The following AGBL4 variants were observed in gnomAD, a reference collection of about 807,000 sequenced individuals.
The protein encoded by AGBL4 is cytosolic carboxypeptidase 6.
Under a neutral mutation model 66.4 loss-of-function variants are expected in AGBL4, and 58 were observed. The ratio of observed to expected loss-of-function variants is 0.87; its 90% CI spans 0.71 to 1.09. The LOEUF (loss-of-function observed/expected upper bound fraction) is 1.09, where lower values mean the gene tolerates loss of function less well. Ranked by LOEUF, AGBL4 falls within the 50% of genes least tolerant of loss-of-function variation. The pLI is 0.00. For synonymous variants in AGBL4, 234 were observed against 222.9 expected (o/e 1.05, Z -0.44); for missense variants, 579 against 631.0 (o/e 0.92, Z 0.88).
intron 2 of AGBL4, among the ~76,000 whole-genome samples, chr1:49,836,200 C>T (rs1393538728): frequency 6.6e-6 from 1 of 152,168 alleles, no homozygotes; most frequent in East Asian, 1.9e-4. Flanking sequence ...CTCCCCATCA[C>T]TTTCAGGTAT....
At chr1:49,265,932 A>G (rs1281282878) in intron 3 of AGBL4, among the ~76,000 whole-genome samples, 2 of 152,200 alleles carry the variant, frequency 1.3e-5, no homozygotes, top group Non-Finnish European at 2.9e-5. Context: ...CTGCCCATGA[A>G]GAACCAAAAA....
chr1:49,069,236 T>C (rs975410570), intron 4 of AGBL4, among the ~76,000 whole-genome samples: 1 of 152,236 alleles, frequency 6.6e-6, no homozygotes, highest in Admixed American at 6.5e-5. Context: ...TTTTGTTTAA[T>C]TAGATCCCAT....
intron 5 of AGBL4, among the ~76,000 whole-genome samples, chr1:48,955,434 C>T (rs1487221305): frequency 1.3e-5 from 2 of 152,160 alleles, no homozygotes; most frequent in African/African-American, 4.8e-5. Context: ...GATTTCCTCT[C>T]TCTCCTCCTT....
intron 3 of AGBL4, among the ~76,000 whole-genome samples, chr1:49,637,594 C>T (rs576240297): frequency 6.6e-5 from 10 of 152,200 alleles, no homozygotes; most frequent in East Asian, 1.9e-4. Flanking sequence ...TGAGCCAACA[C>T]GCCCAGCCAG....
At chr1:49,430,095 C>T (rs1393296719) in intron 3 of AGBL4, among the ~76,000 whole-genome samples, 16 of 152,042 alleles carry the variant, frequency 1.1e-4, no homozygotes, top group Admixed American at 1.0e-3. Context: ...TCAAGCAATC[C>T]ACCTGCCTCG....
At chr1:48,822,385 A>G (rs1646335775) in intron 6 of AGBL4, among the ~76,000 whole-genome samples, 1 of 152,230 alleles carries the variant, frequency 6.6e-6, no homozygotes, top group Non-Finnish European at 1.5e-5. Context: ...AATCTGGATG[A>G]ATCTAAAAAA....
intron 3 of AGBL4, among the ~76,000 whole-genome samples, chr1:49,509,474 T>C (rs1000771017): frequency 3.3e-5 from 5 of 151,964 alleles, no homozygotes; most frequent in African/African-American, 9.6e-5. Flanking sequence ...ACCTGGGTTA[T>C]AAAAACATGT....
chr1:49,580,945 T>G (rs918983582), intron 3 of AGBL4, among the ~76,000 whole-genome samples: 6 of 152,204 alleles, frequency 3.9e-5, no homozygotes, highest in African/African-American at 1.4e-4. Context: ...ATTAACTTGT[T>G]AAATAGATTT....
chr1:48,946,571 G>C (rs887363306), intron 5 of AGBL4, among the ~76,000 whole-genome samples: 9 of 152,112 alleles, frequency 5.9e-5, no homozygotes, highest in Admixed American at 5.9e-4. Flanking sequence ...TAAAGTCTGA[G>C]GACCCTTCTG....
Position 49,271,705 on chromosome 1 carries a change from C to A in AGBL4, c.283-25841G>T, listed in dbSNP as rs142407361. ...AAATATTCTACCATTTACTTTTATT[C>A]CTCCCTACCCCTCCTTCTTCTCCAT... is the stretch of plus-strand genomic sequence containing the variant. On this transcript the variant is annotated intron_variant, in intron 3 of 13. Transcript: ENST00000371839. 1.3e-4 allele frequency among the ~76,000 whole-genome samples: 20 copies of A among 152,164 alleles called. No individual in the cohort carries two copies. The East Asian group carries it at 3.9e-3, about 29-fold the overall frequency.
chr1:49,357,910 T>C (rs1012451585), intron 3 of AGBL4, among the ~76,000 whole-genome samples: 1 of 152,146 alleles, frequency 6.6e-6, no homozygotes, highest in African/African-American at 2.4e-5. Flanking sequence ...CTTCACTTCG[T>C]TCCTTGTCTG....
At chr1:49,811,329 G>A (rs952183678) in intron 2 of AGBL4, among the ~76,000 whole-genome samples, 55 of 152,018 alleles carry the variant, frequency 3.6e-4, no homozygotes, top group Non-Finnish European at 7.6e-4. Context: ...TACAACACTT[G>A]TTATTTATAG....
At chr1:48,684,652 C>T (rs1041825165) in intron 6 of AGBL4, among the ~76,000 whole-genome samples, 1 of 152,106 alleles carries the variant, frequency 6.6e-6, no homozygotes. Context: ...CAACATGCAT[C>T]TAACAGTTTA....
intron 2 of AGBL4, among the ~76,000 whole-genome samples, chr1:49,807,663 T>C (rs982066706): frequency 6.6e-6 from 1 of 152,220 alleles, no homozygotes; most frequent in East Asian, 1.9e-4. Flanking sequence ...TGGGATGGAA[T>C]GAATGCATTC....
At chr1:48,870,905 T>C (rs1157377199) in intron 5 of AGBL4, among the ~76,000 whole-genome samples, 1 of 152,240 alleles carries the variant, frequency 6.6e-6, no homozygotes, top group Admixed American at 6.5e-5. Flanking sequence ...CAAAAGTGTA[T>C]GTTCCAGAAT....
At chr1:49,866,735 G>A (rs976463154) in intron 1 of AGBL4, among the ~76,000 whole-genome samples, 7 of 152,092 alleles carry the variant, frequency 4.6e-5, no homozygotes, top group Non-Finnish European at 8.8e-5. Flanking sequence ...TTGCACTCCA[G>A]CCTGGGCAAC....
intron 3 of AGBL4, among the ~76,000 whole-genome samples, chr1:49,609,808 T>G (rs1645122833): frequency 6.6e-6 from 1 of 152,202 alleles, no homozygotes; most frequent in Admixed American, 6.5e-5. Context: ...ATTTGATGTT[T>G]AGCTCTCTGG....
chr1:48,587,144 T>C lies in AGBL4; in HGVS notation c.1127A>G (p.Asp376Gly). The change falls in exon 11 of 14, where the codon GAC becomes GGC. Residue 376 changes from aspartate (D) to glycine (G), a missense_variant. Transcript: ENST00000371839. ...FSYSSTSFNR[D>G]AVKAGTGRRF... The stretch of plus-strand genomic sequence containing the variant: ...ACGGCCAGTTCCTGCTTTCACAGCG[T>C]CCCGGTTAAAGGATGTGCTGGACTG... 6.4e-6 allele frequency: 10 copies of C among 1,556,300 alleles called. No homozygotes were observed. The highest frequency in any genetic ancestry group is 8.7e-6 in the Non-Finnish European group (10 of 1,149,928).
In AGBL4 at chr1:48,915,032, C is replaced by T. The variant is rs180742580; in HGVS notation, c.595-47802G>A. Among the ~76,000 whole-genome samples, 258 of 152,302 alleles carry T rather than the reference C, an allele frequency of 1.7e-3. No individual in the cohort carries two copies. In the Middle Eastern group the frequency reaches 0.027, roughly 16 times the overall value. On this transcript the variant is annotated intron_variant, in intron 5 of 13. Transcript: ENST00000371839. ...AATTCCTCTGTAAAGCAGACTGATT[C>T]GTCCGTGAGGAAATCTCTATCGTGT...
Sources: gnomAD v4.1 joint callset for allele counts (sites outside exome capture counted in the v4.1 genomes callset) on GRCh38, gnomAD v4.1.1 for gene constraint, MANE v1.5 for transcripts, NCBI Gene and HGNC (gene_info 2026-07-23, HGNC 2026-07-21) for gene names.